The following SGF29 variants were observed in gnomAD, a reference collection of about 807,000 sequenced individuals.
SGF29 encodes the protein SAGA complex associated factor 29.
A neutral mutation model predicts 38.1 loss-of-function variants in SGF29; 15 were observed. The ratio of observed to expected loss-of-function variants is 0.39; its 90% CI spans 0.26 to 0.61. SGF29 has a LOEUF of 0.61. Among genes scored for constraint, SGF29 ranks in the 20% least tolerant of loss-of-function variants. The pLI is 0.49. For synonymous variants in SGF29, 151 were observed against 160.8 expected (o/e 0.94, Z 0.46); for missense variants, 184 against 394.6 (o/e 0.47, Z 4.52).
At position 28,584,960 on chromosome 16, in the gene SGF29, C is replaced by G. The variant is rs1441950534; in HGVS notation, c.123C>G (p.Thr41=). The change falls in exon 3 of 10, where the codon ACC becomes ACG. Residue 41 remains threonine (T), a synonymous_variant. Coordinates refer to ENST00000317058, the MANE Select transcript of SGF29 (RefSeq NM_138414.3). ...SEHNLVNIQK[T]HERMQTENKI... ...ACAACTTAGTGAACATCCAGAAGAC[C>G]CATGAGCGGATGCAGACAGAGAACA... 5.0e-6 allele frequency: 8 copies of G among 1,613,756 alleles called. No homozygotes were observed. Among genetic ancestry groups the G allele is most frequent in the Non-Finnish European group, 6.8e-6 (8 of 1,179,938 alleles).
chr16:28,579,691 G>A (rs1199785451), intron 1 of SGF29, among the ~76,000 whole-genome samples: 3 of 152,122 alleles, frequency 2.0e-5, no homozygotes, highest in African/African-American at 7.2e-5. Flanking sequence ...AGCACTGTGG[G>A]AGACTGAAGC....
chr16:28,584,857 G>C lies in SGF29; in HGVS notation c.76-56G>C, dbSNP rs929878818. On this transcript the variant is annotated intron_variant, in intron 2 of 9. Transcript: ENST00000317058. Reference sequence around the variant, plus strand: ...ATGGGGACTCTGGCCTGGCTGGCAGGGTACCACAGCAGCACAAAGGGCCAC... The same window carrying C: ...ATGGGGACTCTGGCCTGGCTGGCAGCGTACCACAGCAGCACAAAGGGCCAC... 3.1e-5 allele frequency: 41 copies of C among 1,325,860 alleles called. 1 individual carries two copies. In the Admixed American group the frequency reaches 7.4e-4, roughly 24 times the overall value. 82.1% of individuals were successfully genotyped at this position (1,325,860 alleles called of 1,614,324 possible). A position where few individuals can be genotyped will look rare whatever the true frequency, so the allele number is the denominator to read the frequency against.
intron 1 of SGF29, among the ~76,000 whole-genome samples, chr16:28,560,502 T>A (rs2046779983): frequency 6.7e-6 from 1 of 148,936 alleles, no homozygotes; most frequent in African/African-American, 2.5e-5. Context: ...GGCAGGAGAA[T>A]TGCTTCAACC....
At chr16:28,567,376 G>A (rs994889592) in intron 1 of SGF29, among the ~76,000 whole-genome samples, 1 of 152,200 alleles carries the variant, frequency 6.6e-6, no homozygotes, top group Non-Finnish European at 1.5e-5. Flanking sequence ...TGCCGAATCT[G>A]CTGGCACCAT....
At chr16:28,572,602 C>T (rs2046871530) in intron 1 of SGF29, among the ~76,000 whole-genome samples, 2 of 152,168 alleles carry the variant, frequency 1.3e-5, no homozygotes, top group African/African-American at 4.8e-5. Flanking sequence ...TTGCAGAGTC[C>T]ATGTCAGTTC....
At chr16:28,572,867 G>C (rs953916205) in intron 1 of SGF29, among the ~76,000 whole-genome samples, 1 of 151,832 alleles carries the variant, frequency 6.6e-6, no homozygotes, top group Non-Finnish European at 1.5e-5. Context: ...TCTGTCCCTG[G>C]CTTCTCAGCA....
At chr16:28,569,319 C>T (rs977214417) in intron 1 of SGF29, among the ~76,000 whole-genome samples, 4 of 152,124 alleles carry the variant, frequency 2.6e-5, no homozygotes, top group African/African-American at 9.7e-5. Flanking sequence ...AAAAGGAAAG[C>T]AGAACTTAAG....
chr16:28,585,335 G>A, intron 3 of SGF29: 1 of 533,714 alleles, frequency 1.9e-6, no homozygotes, highest in Non-Finnish European at 3.4e-6. Context: ...CTGGGGCTGG[G>A]GCTTTCTTAC....
At chr16:28,559,972 T>C (rs2046776242) in intron 1 of SGF29, among the ~76,000 whole-genome samples, 1 of 152,298 alleles carries the variant, frequency 6.6e-6, no homozygotes, top group Admixed American at 6.5e-5. Flanking sequence ...TGGTGTCTTA[T>C]GCCTGTAAAC....
intron 1 of SGF29, among the ~76,000 whole-genome samples, chr16:28,576,661 C>T (rs1596603255): frequency 6.6e-6 from 1 of 152,124 alleles, no homozygotes; most frequent in East Asian, 1.9e-4. Context: ...GATCACACCA[C>T]TGCACTCCAA....
At position 28,559,007 on chromosome 16, in the gene SGF29, T is replaced by C. The variant is rs574160641; in HGVS notation, c.-16+4910T>C. On this transcript the variant is annotated intron_variant, in intron 1 of 9. Coordinates refer to ENST00000317058, the MANE Select transcript of SGF29 (RefSeq NM_138414.3). ...CACAACCTTGTGACTAACATAACACTGAATTGCACACTTTAAAAAAGTGAA... is the reference window on the plus strand; with the variant it reads ...CACAACCTTGTGACTAACATAACACCGAATTGCACACTTTAAAAAAGTGAA... Among the ~76,000 whole-genome samples, 16 of 152,312 alleles carry C rather than the reference T, an allele frequency of 1.1e-4. No individual in the cohort carries two copies. In the East Asian group the frequency reaches 3.1e-3, roughly 29 times the overall value.
intron 3 of SGF29, 35 bp from the exon 4 acceptor site, chr16:28,585,613 G>T (rs1249124952): frequency 6.3e-7 from 1 of 1,589,550 alleles, no homozygotes; most frequent in Non-Finnish European, 8.6e-7. Context: ...TGCCTGCCCT[G>T]GCCCTGCCTC....
At chr16:28,579,401 G>A (rs1245403562) in intron 1 of SGF29, among the ~76,000 whole-genome samples, 1 of 151,098 alleles carries the variant, frequency 6.6e-6, no homozygotes, top group Admixed American at 6.6e-5. Flanking sequence ...GGGACTACAG[G>A]TGCCCACCAC....
intron 1 of SGF29, among the ~76,000 whole-genome samples, chr16:28,570,491 G>T (rs1199180311): frequency 6.6e-6 from 1 of 152,100 alleles, no homozygotes; most frequent in African/African-American, 2.4e-5. Flanking sequence ...GCCCCAGGAT[G>T]AATTGTACTT....
intron 1 of SGF29, among the ~76,000 whole-genome samples, chr16:28,564,820 CACAT>C (rs1252498332): frequency 2.8e-5 from 4 of 142,840 alleles, no homozygotes; most frequent in African/African-American, 5.2e-5. Context: ...CACACACACA[CACAT>C]ATATATGAGT....
intron 4 of SGF29, among the ~76,000 whole-genome samples, chr16:28,588,375 G>A (rs547306666): frequency 2.6e-5 from 4 of 152,184 alleles, no homozygotes; most frequent in African/African-American, 9.6e-5. Flanking sequence ...TGTGACCCTC[G>A]GGCAGACCTG....
At chr16:28,569,907 G>A (rs968066104) in intron 1 of SGF29, among the ~76,000 whole-genome samples, 3 of 152,188 alleles carry the variant, frequency 2.0e-5, no homozygotes, top group South Asian at 2.1e-4. Flanking sequence ...AGGTAGTTTG[G>A]CAGCATCCAC....
intron 1 of SGF29, among the ~76,000 whole-genome samples, chr16:28,577,109 A>G (rs949725359): frequency 1.3e-5 from 2 of 152,164 alleles, no homozygotes; most frequent in Non-Finnish European, 2.9e-5. Context: ...CGGAGGTTGC[A>G]GTGAGCCAAC....
chr16:28,582,320 A>T (rs2046930914), intron 2 of SGF29, among the ~76,000 whole-genome samples: 1 of 152,128 alleles, frequency 6.6e-6, no homozygotes, highest in African/African-American at 2.4e-5. Flanking sequence ...GATGAAAGGG[A>T]TGGATAGGTG....
Sources: allele counts gnomAD v4.1 joint callset (sites outside exome capture counted in the v4.1 genomes callset), GRCh38; gene constraint gnomAD v4.1.1; transcripts MANE v1.5; gene names NCBI Gene and HGNC (gene_info 2026-07-23, HGNC 2026-07-21).